LYN: variants seen among roughly 807,000 people sequenced by gnomAD.
LYN encodes the protein LYN proto-oncogene, Src family tyrosine kinase, also known as tyrosine-protein kinase Lyn.
In LYN, 12 loss-of-function variants were observed where a neutral mutation model predicts 65.0. The ratio of observed to expected loss-of-function variants is 0.18; its 90% CI spans 0.12 to 0.30. The LOEUF (loss-of-function observed/expected upper bound fraction) is 0.30. LYN is among the 10% of genes least tolerant of loss of function. LYN has a pLI of 1.00. For synonymous variants in LYN, 222 were observed against 221.2 expected (o/e 1.00, Z -0.03); for missense variants, 380 against 623.2 (o/e 0.61, Z 4.16).
At chr8:55,939,657 G>T (rs1231931436) in intron 1 of LYN, among the ~76,000 whole-genome samples, 1 of 152,214 alleles carries the variant, frequency 6.6e-6, no homozygotes, top group Non-Finnish European at 1.5e-5. Flanking sequence ...CCCATGCAGG[G>T]CTCCTGCCCC....
intron 7 of LYN, among the ~76,000 whole-genome samples, chr8:55,953,087 G>A (rs999537463): frequency 3.9e-5 from 6 of 152,098 alleles, no homozygotes; most frequent in African/African-American, 1.4e-4. Context: ...GCCTTCCTCC[G>A]CCCTCCCATT....
At chr8:55,902,093 T>C (rs4738464) in intron 1 of LYN, among the ~76,000 whole-genome samples, 77,728 of 151,506 alleles carry the variant, frequency 0.51, 20,269 homozygotes, top group East Asian at 0.78. Flanking sequence ...CCACAACCTC[T>C]GTCTCCTGGG....
At chr8:56,000,163 C>T (rs888896381) in intron 12 of LYN, among the ~76,000 whole-genome samples, 1 of 152,110 alleles carries the variant, frequency 6.6e-6, no homozygotes, top group African/African-American at 2.4e-5. Flanking sequence ...ACAGGGGCTC[C>T]TCCAAGGCAG....
At chr8:55,884,497 C>A (rs539718392) in intron 1 of LYN, among the ~76,000 whole-genome samples, 21 of 152,172 alleles carry the variant, frequency 1.4e-4, no homozygotes, top group African/African-American at 4.8e-4. Context: ...GCTCTTGTCA[C>A]CCAGGCTGGA....
At chr8:55,993,089 A>G (rs926427283) in intron 10 of LYN, among the ~76,000 whole-genome samples, 4 of 152,228 alleles carry the variant, frequency 2.6e-5, no homozygotes, top group Non-Finnish European at 5.9e-5. Flanking sequence ...GTGGCCCTCC[A>G]AAGTTCATAC....
At chr8:55,897,788 C>T (rs897038034) in intron 1 of LYN, among the ~76,000 whole-genome samples, 2 of 151,964 alleles carry the variant, frequency 1.3e-5, no homozygotes, top group Non-Finnish European at 2.9e-5. Context: ...TGGCATGGGC[C>T]TGTATTCCCA....
At chr8:55,985,327 A>C (rs1563324397) in intron 10 of LYN, among the ~76,000 whole-genome samples, 2 of 152,152 alleles carry the variant, frequency 1.3e-5, no homozygotes. Context: ...TTGCCCCCAC[A>C]TCCTTAGGTA....
intron 1 of LYN, among the ~76,000 whole-genome samples, chr8:55,916,683 C>A (rs995903963): frequency 1.3e-5 from 2 of 152,158 alleles, no homozygotes; most frequent in African/African-American, 4.8e-5. Flanking sequence ...GCCAGGCTGA[C>A]CTCTCTCTGG....
intron 10 of LYN, among the ~76,000 whole-genome samples, chr8:55,984,291 C>T (rs950061491): frequency 5.3e-5 from 8 of 152,154 alleles, no homozygotes; most frequent in African/African-American, 9.7e-5. Context: ...CCGGCCACTC[C>T]GAAGCTTCTA....
At chr8:55,945,911 C>T (rs1200665761) in intron 2 of LYN, among the ~76,000 whole-genome samples, 2 of 152,184 alleles carry the variant, frequency 1.3e-5, no homozygotes, top group East Asian at 1.9e-4. Context: ...GGCAACTCCA[C>T]GAAATCACCA....
chr8:55,999,574 A>G (rs369909483), intron 12 of LYN, 25 bp downstream of exon 12: 48 of 1,609,864 alleles, frequency 3.0e-5, no homozygotes, highest in Middle Eastern at 1.6e-4. Flanking sequence ...GCTATTTACA[A>G]TCAAGCTGTA....
intron 10 of LYN, among the ~76,000 whole-genome samples, chr8:55,979,112 T>C (rs2130547969): frequency 7.0e-6 from 1 of 142,616 alleles, no homozygotes; most frequent in East Asian, 2.1e-4. Context: ...TGGAGTGCAA[T>C]GGTGCTCACT....
chr8:56,006,481 G>T (rs1272068136), intron 12 of LYN, among the ~76,000 whole-genome samples: 1 of 152,142 alleles, frequency 6.6e-6, no homozygotes, highest in Non-Finnish European at 1.5e-5. Context: ...CTAGCTATCT[G>T]TTCCTTTTCT....
chr8:55,937,254 T>C (rs1436092872), intron 1 of LYN, among the ~76,000 whole-genome samples: 1 of 152,220 alleles, frequency 6.6e-6, no homozygotes, highest in Non-Finnish European at 1.5e-5. Flanking sequence ...TTTTTTCCTG[T>C]GGACATTAAA....
intron 11 of LYN, among the ~76,000 whole-genome samples, 154 bp from the exon 12 acceptor site, chr8:55,999,264 G>A (rs547229288): frequency 2.6e-5 from 4 of 152,288 alleles, no homozygotes; most frequent in African/African-American, 9.6e-5. Flanking sequence ...AGGTTGCAGT[G>A]AGCCGAGATC....
chr8:55,904,561 G>A (rs1805368080), intron 1 of LYN, among the ~76,000 whole-genome samples: 1 of 152,084 alleles, frequency 6.6e-6, no homozygotes, highest in Admixed American at 6.6e-5. Flanking sequence ...ATTTCTGTAT[G>A]TGTTACCCTG....
At chr8:55,953,756 T>C in intron 7 of LYN, 76 bp from the exon 8 acceptor site, 1 of 1,418,502 alleles carries the variant, frequency 7.0e-7, no homozygotes. Context: ...AGGCTAGTGT[T>C]CAACTTTTCT....
At chr8:55,980,904 G>A (rs771927436) in intron 10 of LYN, among the ~76,000 whole-genome samples, 2 of 152,104 alleles carry the variant, frequency 1.3e-5, no homozygotes, top group Non-Finnish European at 2.9e-5. Context: ...CTTCCCAGAC[G>A]GAAGCTCTTT....
intron 10 of LYN, among the ~76,000 whole-genome samples, chr8:55,994,434 A>T (rs1808323561): frequency 6.6e-6 from 1 of 152,216 alleles, no homozygotes; most frequent in Non-Finnish European, 1.5e-5. Flanking sequence ...CAAGTCTGTT[A>T]TTATTTCTGA....
Sources: allele counts gnomAD v4.1 joint callset (sites outside exome capture counted in the v4.1 genomes callset), GRCh38; gene constraint gnomAD v4.1.1; transcripts MANE v1.5; gene names NCBI Gene and HGNC (gene_info 2026-07-23, HGNC 2026-07-21).